The following VPS35 variants were observed in gnomAD, a reference collection of about 807,000 sequenced individuals.
VPS35 encodes the protein vacuolar protein sorting-associated protein 35.
VPS35 carries 21 observed loss-of-function variants against 98.1 expected under a neutral mutation model. The observed-to-expected ratio is 0.21, with a 90% CI of 0.15 to 0.31. The LOEUF (loss-of-function observed/expected upper bound fraction) is 0.31. VPS35 is among the 10% of genes least tolerant of loss of function. The pLI is 1.00. For synonymous variants in VPS35, 268 were observed against 318.2 expected, an observed-to-expected ratio of 0.84 and a Z score of 1.68; for missense variants, 554 against 950.8, an observed-to-expected ratio of 0.58 and a Z score of 5.49.
intron 14 of VPS35, among the ~76,000 whole-genome samples, chr16:46,662,685 A>C (rs1226408610): frequency 6.6e-6 from 1 of 152,210 alleles, no homozygotes; most frequent in African/African-American, 2.4e-5. Flanking sequence ...AACTTCTTTC[A>C]ACTTTGTTTA....
At chr16:46,672,791 T>C (rs1966088222) in intron 10 of VPS35, among the ~76,000 whole-genome samples, 1 of 152,254 alleles carries the variant, frequency 6.6e-6, no homozygotes, top group Admixed American at 6.5e-5. Flanking sequence ...GTATTTTAAG[T>C]GGTAGTTTGG....
Position 46,662,419 on chromosome 16 carries a change from T to G in VPS35, c.1891A>C (p.Ile631Leu), listed in dbSNP as rs754270736. The change falls in exon 15 of 17, where the codon ATC becomes CTC. Residue 631 changes from isoleucine to leucine, a missense_variant. Physicochemically the swap from Ile to Leu is conservative, Grantham distance 5 (BLOSUM62 2). Transcript: ENST00000299138. ...SKAQLAAITL[I>L]IGTFERMKCF... is the part of the protein sequence containing the mutation. ...TTCATCCTTTCAAAAGTGCCAATGA[T>G]CAAGGTGATGGCAGCTAGCTGTGCT... 1 of 1,614,202 alleles carries G rather than the reference T, an allele frequency of 6.2e-7. No individual in the cohort carries two copies. Among genetic ancestry groups the G allele is most frequent in the Non-Finnish European group, 8.5e-7 (1 of 1,180,040 alleles).
chr16:46,682,585 A>C (rs1420714611), intron 2 of VPS35: 1 of 177,570 alleles, frequency 5.6e-6, no homozygotes, highest in Non-Finnish European at 1.2e-5. Flanking sequence ...ATGACTATCC[A>C]TGTAAGTTTG....
chr16:46,685,641 C>T (rs1360139876), intron 1 of VPS35, among the ~76,000 whole-genome samples: 1 of 152,126 alleles, frequency 6.6e-6, no homozygotes, highest in East Asian at 1.9e-4. Flanking sequence ...AAGGATGACA[C>T]CAGCATTTAA....
At chr16:46,669,988 G>A (rs1039362659) in intron 12 of VPS35, among the ~76,000 whole-genome samples, 27 of 152,066 alleles carry the variant, frequency 1.8e-4, no homozygotes, top group Non-Finnish European at 2.5e-4. Context: ...TTAAGTCAAG[G>A]AAAATGCTAA....
rs1364813267 is a variant in VPS35 at position 46,659,660 on chromosome 16, G to GA, written c.*811dup. 1 of 150,946 alleles carries GA rather than the reference G, an allele frequency of 6.6e-6. No homozygotes were observed. Among genetic ancestry groups the GA allele is most frequent in the Non-Finnish European group, 1.5e-5 (1 of 67,762 alleles). The allele number at this position is 150,946 out of a possible 1,614,324, so 9.4% of individuals were successfully genotyped here. A position where few individuals can be genotyped will look rare whatever the true frequency, so the allele number is the denominator to read the frequency against. ...ATCAATTAAAGATAGTATGAAAGGG[G>GA]AAAAAAAGCTCCAAAATTGTTAATA... On this transcript the variant is annotated 3_prime_UTR_variant, in exon 17 of 17. Transcript: ENST00000299138.
At chr16:46,683,419 A>G in intron 2 of VPS35, 89 bp downstream of exon 2, 1 of 1,229,854 alleles carries the variant, frequency 8.1e-7, no homozygotes, top group Non-Finnish European at 1.2e-6. Context: ...GATTAGATTT[A>G]CCAGAAACAC....
chr16:46,677,451 G>A, intron 6 of VPS35, 53 bp from the exon 7 acceptor site: 1 of 1,471,808 alleles, frequency 6.8e-7, no homozygotes, highest in Non-Finnish European at 9.5e-7. Flanking sequence ...AAAATCTTAA[G>A]CTATTCCTCT....
chr16:46,671,669 A>G, intron 12 of VPS35, 36 bp downstream of exon 12: 1 of 1,613,532 alleles, frequency 6.2e-7, no homozygotes, highest in Non-Finnish European at 8.5e-7. Flanking sequence ...TTTCACTAGG[A>G]GCTGATACAG....
At chr16:46,662,905 G>T in intron 14 of VPS35, 78 bp downstream of exon 14, 2 of 1,506,676 alleles carry the variant, frequency 1.3e-6, no homozygotes, top group South Asian at 1.1e-5. Context: ...AAATTCATGT[G>T]CATTACCACC....
chr16:46,684,300 C>T (rs557266153), intron 1 of VPS35, among the ~76,000 whole-genome samples: 1 of 152,298 alleles, frequency 6.6e-6, no homozygotes, highest in East Asian at 1.9e-4. Flanking sequence ...CTCTAGACTA[C>T]TTATCATCTG....
At chr16:46,671,489 C>T (rs1388677346) in intron 12 of VPS35, among the ~76,000 whole-genome samples, 3 of 148,830 alleles carry the variant, frequency 2.0e-5, no homozygotes, top group African/African-American at 7.4e-5. Context: ...TTTTTTTTTT[C>T]GAGATGGAGT....
chr16:46,668,839 T>C, intron 13 of VPS35, 91 bp downstream of exon 13: 3 of 1,550,600 alleles, frequency 1.9e-6, no homozygotes, highest in Admixed American at 3.8e-5. Context: ...TTTTGTACGT[T>C]TGAAATTTTT....
Position 46,663,216 on chromosome 16 carries a change from C to T in VPS35, c.1648-54G>A. The T allele has an allele frequency of 6.6e-6, 10 of 1,508,112 alleles. No individual in the cohort carries two copies. In the South Asian group the frequency reaches 9.3e-5, roughly 14 times the overall value. The allele number at this position is 1,508,112 out of a possible 1,614,324, so 93.4% of individuals were successfully genotyped here. A position where few individuals can be genotyped will look rare whatever the true frequency, so the allele number is the denominator to read the frequency against. On this transcript the variant is annotated intron_variant, in intron 13 of 16. Coordinates refer to ENST00000299138, the MANE Select transcript of VPS35 (RefSeq NM_018206.6). Reference sequence around the variant, plus strand: ...CCTTAAATTCAAAATTAACTTGTTCCAGGATATCCATTTTAATAGAACAAA... The same window carrying T: ...CCTTAAATTCAAAATTAACTTGTTCTAGGATATCCATTTTAATAGAACAAA...
At chr16:46,662,565 T>A (rs1157397102) in intron 14 of VPS35, 83 bp from the exon 15 acceptor site, 1 of 1,593,932 alleles carries the variant, frequency 6.3e-7, no homozygotes, top group Non-Finnish European at 8.5e-7. Context: ...TCACCAAACC[T>A]CCATCCTGTG....
In VPS35 at chr16:46,680,160, A is replaced by G. The variant is rs1966213960; in HGVS notation, c.506+511T>C. ...AGTAGACTTTGATGCTAGAATACTG[A>G]TAACACAAGAGACAGGAGTGTCTCT... On this transcript the variant is annotated intron_variant, in intron 5 of 16. Coordinates refer to ENST00000299138, the MANE Select transcript of VPS35 (RefSeq NM_018206.6). Among the ~76,000 whole-genome samples the G allele has an allele frequency of 2.6e-5, 4 of 152,208 alleles. No individual in the cohort carries two copies. In the South Asian group the frequency reaches 8.3e-4, roughly 32 times the overall value.
rs751488260 is a variant in VPS35 at position 46,660,531 on chromosome 16, G to A, written c.2332C>T (p.Arg778Cys). Residue 778 changes from arginine to cysteine, a missense_variant, in exon 17 of 17, where the codon CGC (arginine) becomes TGC (cysteine). Arg to Cys is a radical substitution (Grantham distance 180). This residue lies in a region of VPS35 where 153 missense variants were observed against 211.0 expected (regional missense o/e 0.73). Transcript: ENST00000299138. ...KHFHNTLEHLRLRRESPESEG... is the reference protein window; with the variant it reads ...KHFHNTLEHLCLRRESPESEG... Reference sequence around the variant, plus strand: ...GATTCTGGTGATTCCCGCCGCAAGCGCAAATGCTCCAGTGTGTTATGAAAA... The same window carrying A: ...GATTCTGGTGATTCCCGCCGCAAGCACAAATGCTCCAGTGTGTTATGAAAA... 23 of 1,613,880 alleles carry A rather than the reference G, an allele frequency of 1.4e-5. No individual in the cohort carries two copies. The highest frequency in any genetic ancestry group is 2.2e-5 in the East Asian group (1 of 44,878).
intron 12 of VPS35, 67 bp from the exon 13 acceptor site, chr16:46,669,119 G>A: frequency 6.3e-7 from 1 of 1,581,078 alleles, no homozygotes; most frequent in Non-Finnish European, 8.7e-7. Flanking sequence ...AAATAAATGT[G>A]GGCTCTAATC....
chr16:46,685,833 C>A (rs1247608941), intron 1 of VPS35, among the ~76,000 whole-genome samples: 1 of 152,070 alleles, frequency 6.6e-6, no homozygotes, highest in South Asian at 2.1e-4. Flanking sequence ...AACAGTGATA[C>A]ATCTGAATTT....
Sources: allele counts gnomAD v4.1 joint callset (sites outside exome capture counted in the v4.1 genomes callset), GRCh38; gene constraint gnomAD v4.1.1; regional missense constraint gnomAD v4.1.1; transcripts MANE v1.5; gene names NCBI Gene and HGNC (gene_info 2026-07-23, HGNC 2026-07-21).